The following DMBT1 variants were observed in gnomAD, a reference collection of about 807,000 sequenced individuals.
The protein encoded by DMBT1 is deleted in malignant brain tumors 1, also known as scavenger receptor cysteine-rich domain-containing protein DMBT1.
Under a neutral mutation model 252.9 loss-of-function variants are expected in DMBT1, and 198 were observed. The ratio of observed to expected loss-of-function variants is 0.78; its 90% CI spans 0.70 to 0.88. The LOEUF (loss-of-function observed/expected upper bound fraction) is 0.88. DMBT1 is among the 40% of genes least tolerant of loss of function. DMBT1 has a pLI of 0.00. For synonymous variants in DMBT1, 990 were observed against 942.7 expected, an observed-to-expected ratio of 1.05 and a Z score of -0.92; for missense variants, 2,432 against 2,404.7, an observed-to-expected ratio of 1.01 and a Z score of -0.24.
chr10:122,574,368 C>T lies in DMBT1; in HGVS notation c.283+606C>T, dbSNP rs184757701. Reference sequence around the variant, plus strand: ...GGAAGGGAAGTCACTTCCCATTTCCCATGGGAAATCTTGGCCCTAGGAGAA... The same window carrying T: ...GGAAGGGAAGTCACTTCCCATTTCCTATGGGAAATCTTGGCCCTAGGAGAA... On this transcript the variant is annotated intron_variant, in intron 6 of 55. Transcript: ENST00000338354. Among the ~76,000 whole-genome samples, 7 of 152,260 alleles carry T rather than the reference C, an allele frequency of 4.6e-5. No individual in the cohort carries two copies. The East Asian group carries it at 5.8e-4, about 13-fold the overall frequency.
In DMBT1 at chr10:122,590,607, GT is replaced by G. The variant is rs1199850451; in HGVS notation, c.2108-56del. 3.8e-6 allele frequency: 6 copies of G among 1,567,906 alleles called. No homozygotes were observed. The East Asian group carries it at 1.2e-4, about 31-fold the overall frequency. ...TACCAGTTTAGTTCCTTGTACCTTT[GT>G]TCTGGTTTTGCCAGCTTCTGTATAG... is the stretch of plus-strand genomic sequence containing the variant. On this transcript the variant is annotated intron_variant, in intron 17 of 55. Transcript: ENST00000338354.
intron 44 of DMBT1, among the ~76,000 whole-genome samples, chr10:122,624,134 C>T (rs1018404005): frequency 5.9e-5 from 9 of 152,158 alleles, no homozygotes; most frequent in East Asian, 5.8e-4. Flanking sequence ...TAGGGCTGCA[C>T]CTTGCCAGGC....
intron 25 of DMBT1, 83 bp from the exon 26 acceptor site, chr10:122,598,691 G>A (rs1459396128): frequency 8.7e-6 from 14 of 1,602,502 alleles, no homozygotes; most frequent in African/African-American, 2.7e-5. Context: ...TTAGCCATTA[G>A]GACATGCCTT....
At chr10:122,570,284 A>C in intron 3 of DMBT1, 75 bp downstream of exon 3, 3 of 1,247,078 alleles carry the variant, frequency 2.4e-6, no homozygotes, top group Non-Finnish European at 3.5e-6. Flanking sequence ...GATCCAGAAG[A>C]GATGCAGAAG....
At chr10:122,625,881 G>A (rs2133654495) in intron 45 of DMBT1, 52 bp from the exon 46 acceptor site, 3 of 1,456,198 alleles carry the variant, frequency 2.1e-6, no homozygotes. Flanking sequence ...AATTACTATG[G>A]AATGGAAAAA....
intron 40 of DMBT1, 150 bp from the exon 41 acceptor site, chr10:122,617,867 T>C: frequency 7.1e-7 from 1 of 1,416,590 alleles, no homozygotes; most frequent in Non-Finnish European, 9.6e-7. Flanking sequence ...TTCCCTATGA[T>C]AAAGCTGAAC....
rs1286019035 is a variant in DMBT1 at position 122,599,042 on chromosome 10, T to A, written c.3225T>A (p.Asn1075Lys). The change falls in exon 26 of 56, where the codon AAT (asparagine) becomes AAA (lysine). Residue 1075 changes from asparagine (N) to lysine (K), a missense_variant. Coordinates refer to ENST00000338354, the MANE Select transcript of DMBT1 (RefSeq NM_001377530.1). ...CTTACCTGTGGAGCTGCCCCCACAA[T>A]GGCTGGCTCTCCCACAACTGTGGCC... ...HESYLWSCPH[N>K]GWLSHNCGHS... 30 of 1,613,690 alleles carry A rather than the reference T, an allele frequency of 1.9e-5. No homozygotes were observed. The highest frequency in any genetic ancestry group is 2.1e-5 in the Non-Finnish European group (25 of 1,179,750).
At chr10:122,567,127 C>G (rs994381998) in intron 2 of DMBT1, among the ~76,000 whole-genome samples, 1 of 152,238 alleles carries the variant, frequency 6.6e-6, no homozygotes, top group Admixed American at 6.5e-5. Context: ...AGTCCCTCCC[C>G]TTCCAGGACA....
intron 46 of DMBT1, 97 bp from the exon 47 acceptor site, chr10:122,629,743 C>T (rs2098144566): frequency 4.2e-6 from 6 of 1,413,818 alleles, no homozygotes; most frequent in Non-Finnish European, 5.8e-6. Flanking sequence ...TTATAAAGTG[C>T]AGAAGATGAA....
chr10:122,633,082 G>T (rs1324723976), intron 51 of DMBT1, 109 bp from the exon 52 acceptor site: 9 of 1,499,932 alleles, frequency 6.0e-6, no homozygotes, highest in African/African-American at 2.8e-5. Flanking sequence ...TTTCTGTCTT[G>T]GGAATTATTT....
At chr10:122,566,988 T>G (rs1463181840) in intron 2 of DMBT1, among the ~76,000 whole-genome samples, 1 of 152,222 alleles carries the variant, frequency 6.6e-6, no homozygotes, top group African/African-American at 2.4e-5. Flanking sequence ...GTCTTTGACT[T>G]TGGCTAAATG....
rs749293550 is a variant in DMBT1 at position 122,625,318 on chromosome 10, C to T, written c.5635+15C>T. On this transcript the variant is annotated intron_variant, in intron 45 of 55. Transcript: ENST00000338354. ...TACTACGACAGGTGAGTCTGCTACA[C>T]CCCAGTCCAGCAATATTTCTCTTGG... 3 of 1,607,676 alleles carry T rather than the reference C, an allele frequency of 1.9e-6. No homozygotes were observed. The highest frequency in any genetic ancestry group is 2.7e-5 in the African/African-American group (2 of 74,836).
intron 49 of DMBT1, 53 bp from the exon 50 acceptor site, chr10:122,631,802 C>A: frequency 6.2e-7 from 1 of 1,607,742 alleles, no homozygotes. Flanking sequence ...ATTCCGGCCC[C>A]TCCTCCAAGC....
intron 17 of DMBT1, among the ~76,000 whole-genome samples, chr10:122,589,668 G>T (rs951682764): frequency 7.4e-5 from 11 of 148,434 alleles, no homozygotes; most frequent in Non-Finnish European, 1.5e-5. Context: ...TCTGCTGACA[G>T]CCTCAGGCTG....
intron 50 of DMBT1, 118 bp from the exon 51 acceptor site, chr10:122,632,743 T>A: frequency 1.5e-6 from 2 of 1,346,156 alleles, no homozygotes; most frequent in Non-Finnish European, 2.1e-6. Context: ...GCAAGGCCTG[T>A]GTCCAGCTCC....
At position 122,589,026 on chromosome 10, in the gene DMBT1, T is replaced by C. The variant is rs182044413; in HGVS notation, c.1866T>C (p.Ser622=). ...GAGTGGAGGTCCTATACCGAGGCTCTTGGGGCACCGTGTGTGATGACAGCT... is the reference window on the plus strand; with the variant it reads ...GAGTGGAGGTCCTATACCGAGGCTCCTGGGGCACCGTGTGTGATGACAGCT... ...QGRVEVLYRG[S]WGTVCDDSWD... Residue 622 remains serine, a synonymous_variant, in exon 17 of 56, where the codon TCT becomes TCC. Coordinates refer to ENST00000338354, the MANE Select transcript of DMBT1 (RefSeq NM_001377530.1). The C allele has an allele frequency of 4.3e-4, 691 of 1,588,738 alleles. 70 individuals are homozygous for C. Among genetic ancestry groups the C allele is most frequent in the African/African-American group, 3.8e-3 (284 of 74,644 alleles).
intron 46 of DMBT1, among the ~76,000 whole-genome samples, chr10:122,627,882 A>T (rs1377944765): frequency 2.0e-5 from 3 of 152,236 alleles, no homozygotes; most frequent in Non-Finnish European, 2.9e-5. Flanking sequence ...TGAGCAAAAG[A>T]CCTGAAAGAT....
intron 6 of DMBT1, among the ~76,000 whole-genome samples, 200 bp from the exon 7 acceptor site, chr10:122,576,199 T>TC (rs766226207): frequency 1.9e-4 from 29 of 152,154 alleles, no homozygotes; most frequent in Non-Finnish European, 2.9e-4. Context: ...CAGCTGAAGC[T>TC]CTAAGGCTTG....
In DMBT1 at chr10:122,643,007, G is replaced by A. The variant is rs971592834; in HGVS notation, c.7353-115G>A. ...CGTTCTGACAGAAGGAAGGTGAGGT[G>A]TGCAGGAGGCAGGGGCAGTGAGGAC... On this transcript the variant is annotated intron_variant, in intron 55 of 55. Coordinates refer to ENST00000338354, the MANE Select transcript of DMBT1 (RefSeq NM_001377530.1). 8 of 1,378,202 alleles carry A rather than the reference G, an allele frequency of 5.8e-6. No individual in the cohort carries two copies. The African/African-American group carries it at 1.0e-4, about 17-fold the overall frequency. 85.4% of individuals were successfully genotyped at this position (1,378,202 alleles called of 1,614,324 possible).
Sources: gnomAD v4.1 joint callset for allele counts (sites outside exome capture counted in the v4.1 genomes callset) on GRCh38, gnomAD v4.1.1 for gene constraint, MANE v1.5 for transcripts, NCBI Gene and HGNC (gene_info 2026-07-23, HGNC 2026-07-21) for gene names.